TNFRSF21: variants seen among roughly 807,000 people sequenced by gnomAD.
The protein encoded by TNFRSF21 is TNF receptor superfamily member 21.
A neutral mutation model predicts 45.6 loss-of-function variants in TNFRSF21; 19 were observed. The ratio of observed to expected loss-of-function variants is 0.42; its 90% CI spans 0.29 to 0.61. The LOEUF is 0.61. TNFRSF21 is among the 20% of genes least tolerant of loss of function. TNFRSF21 has a pLI of 0.23. For missense variants in TNFRSF21, 737 were observed against 851.5 expected, an observed-to-expected ratio of 0.87 and a Z score of 1.67; for synonymous variants, 314 against 335.5, an observed-to-expected ratio of 0.94 and a Z score of 0.70.
At chr6:47,273,690 G>A (rs1762458719) in intron 3 of TNFRSF21, among the ~76,000 whole-genome samples, 2 of 152,104 alleles carry the variant, frequency 1.3e-5, no homozygotes, top group Admixed American at 1.3e-4. Context: ...AGAAATAAAG[G>A]GTATTCAATT....
At chr6:47,247,262 T>C (rs76525233) in intron 4 of TNFRSF21, among the ~76,000 whole-genome samples, 54 of 152,280 alleles carry the variant, frequency 3.5e-4, no homozygotes, top group African/African-American at 1.3e-3. Flanking sequence ...CCTCTTCTCC[T>C]CACCACCCCA....
rs1173327887 is a variant in TNFRSF21, at chr6:47,309,753, C to G, written c.-242G>C. 1 of 434,692 alleles carries G rather than the reference C, an allele frequency of 2.3e-6. No individual in the cohort carries two copies. Among genetic ancestry groups the G allele is most frequent in the Non-Finnish European group, 3.9e-6 (1 of 255,462 alleles). The allele number at this position is 434,692 out of a possible 1,614,324, so 26.9% of individuals were successfully genotyped here. A position where few individuals can be genotyped will look rare whatever the true frequency, so the allele number is the denominator to read the frequency against. Reference sequence around the variant, plus strand: ...CGGGGAGAAGCCGCCGCGACTGCAGCCCGCGTCTCCGGGTGCTCTCCTCCG... The same window carrying G: ...CGGGGAGAAGCCGCCGCGACTGCAGGCCGCGTCTCCGGGTGCTCTCCTCCG... On this transcript the variant is annotated 5_prime_UTR_variant, in exon 1 of 6. Coordinates refer to ENST00000296861, the MANE Select transcript of TNFRSF21 (RefSeq NM_014452.5).
chr6:47,238,271 T>C (rs2113843354), intron 4 of TNFRSF21, among the ~76,000 whole-genome samples: 1 of 152,374 alleles, frequency 6.6e-6, no homozygotes, highest in East Asian at 1.9e-4. Context: ...GAAATGTTTG[T>C]GGACACGGCA....
chr6:47,265,538 G>A (rs1762319690), intron 3 of TNFRSF21, among the ~76,000 whole-genome samples: 1 of 152,148 alleles, frequency 6.6e-6, no homozygotes, highest in African/African-American at 2.4e-5. Context: ...CTACTTCCTA[G>A]CTATGTGAAC....
At chr6:47,304,036 A>G (rs1329393924) in intron 1 of TNFRSF21, among the ~76,000 whole-genome samples, 1 of 152,196 alleles carries the variant, frequency 6.6e-6, no homozygotes, top group Non-Finnish European at 1.5e-5. Flanking sequence ...GCTCCAAGTG[A>G]TCACTGGACA....
At chr6:47,306,130 T>C (rs1762936877) in intron 1 of TNFRSF21, among the ~76,000 whole-genome samples, 2 of 152,228 alleles carry the variant, frequency 1.3e-5, no homozygotes, top group Admixed American at 1.3e-4. Flanking sequence ...GAATGTTTTG[T>C]CCACCTGAGC....
intron 3 of TNFRSF21, among the ~76,000 whole-genome samples, chr6:47,282,554 G>A (rs1009290890): frequency 6.6e-6 from 1 of 152,064 alleles, no homozygotes; most frequent in Non-Finnish European, 1.5e-5. Context: ...TAAACGTTTC[G>A]TTATAGAAGT....
In TNFRSF21 at chr6:47,250,611, G is replaced by T. The variant is rs184243697; in HGVS notation, c.1509+2645C>A. On this transcript the variant is annotated intron_variant, in intron 4 of 5. Coordinates refer to ENST00000296861, the MANE Select transcript of TNFRSF21 (RefSeq NM_014452.5). ...ATGAAGAGAAAAAACATTGACCATT[G>T]AAAAAAAATAGTCATTTTTACCCAT... Among the ~76,000 whole-genome samples, 12 of 152,038 alleles carry T rather than the reference G, an allele frequency of 7.9e-5. No homozygotes were observed. In the East Asian group the frequency reaches 1.4e-3, roughly 17 times the overall value.
intron 4 of TNFRSF21, among the ~76,000 whole-genome samples, chr6:47,252,666 C>T (rs911324038): frequency 1.3e-5 from 2 of 152,180 alleles, no homozygotes; most frequent in South Asian, 2.1e-4. Flanking sequence ...TCAAATCCAG[C>T]GCTGTCTGGC....
chr6:47,258,151 C>T (rs763203289), intron 3 of TNFRSF21, among the ~76,000 whole-genome samples: 13 of 151,970 alleles, frequency 8.6e-5, no homozygotes, highest in Non-Finnish European at 1.5e-4. Context: ...GAGTGGATCC[C>T]TTGACCCAGG....
chr6:47,232,640 CACACACACACACACACACAA>C lies in TNFRSF21; in HGVS notation c.*105_*124del, dbSNP rs1764602658. The C allele has an allele frequency of 1.1e-5, 8 of 750,182 alleles. No homozygotes were observed. The highest frequency in any genetic ancestry group is 7.1e-5 in the African/African-American group (4 of 56,546). 46.5% of individuals were successfully genotyped at this position (750,182 alleles called of 1,614,324 possible). A position where few individuals can be genotyped will look rare whatever the true frequency, so the allele number is the denominator to read the frequency against. On this transcript the variant is annotated 3_prime_UTR_variant, in exon 6 of 6. Coordinates refer to ENST00000296861, the MANE Select transcript of TNFRSF21 (RefSeq NM_014452.5). ...TCTCTGTTAAACACACACACACACACACACACACACACACACACAAACACACACACACACCCCAAACAACA... is the reference window on the plus strand; with the variant it reads ...TCTCTGTTAAACACACACACACACACACACACACACACACCCCAAACAACA...
chr6:47,266,182 A>T (rs527609144), intron 3 of TNFRSF21, among the ~76,000 whole-genome samples: 1 of 152,320 alleles, frequency 6.6e-6, no homozygotes, highest in East Asian at 1.9e-4. Flanking sequence ...CCCTAGAAAG[A>T]GGGAGAAGTC....
chr6:47,283,803 C>T, intron 3 of TNFRSF21, 135 bp downstream of exon 3: 1 of 1,121,962 alleles, frequency 8.9e-7, no homozygotes, highest in Admixed American at 2.6e-5. Context: ...TTTTCTATAA[C>T]ACGACTAGAT....
chr6:47,239,562 G>C (rs893962735), intron 4 of TNFRSF21, among the ~76,000 whole-genome samples: 1 of 152,164 alleles, frequency 6.6e-6, no homozygotes, highest in East Asian at 1.9e-4. Context: ...TCTGAGAGCA[G>C]GAATAGGCGA....
intron 3 of TNFRSF21, among the ~76,000 whole-genome samples, chr6:47,253,937 G>A (rs542330851): frequency 6.6e-6 from 1 of 152,274 alleles, no homozygotes; most frequent in African/African-American, 2.4e-5. Context: ...TACATACTAC[G>A]CATGAATTTC....
intron 4 of TNFRSF21, among the ~76,000 whole-genome samples, chr6:47,252,202 T>C (rs1193776990): frequency 2.6e-5 from 4 of 152,234 alleles, no homozygotes; most frequent in African/African-American, 4.8e-5. Context: ...CAAAATGTGA[T>C]ATAGAATGAT....
chr6:47,294,088 A>C (rs545949428), intron 1 of TNFRSF21, among the ~76,000 whole-genome samples: 48 of 152,324 alleles, frequency 3.2e-4, no homozygotes, highest in Non-Finnish European at 5.6e-4. Context: ...ATTAGAACCA[A>C]CATATTAGAA....
Position 47,240,684 on chromosome 6 carries a change from G to A in TNFRSF21, c.1510-5786C>T, listed in dbSNP as rs115114201. 8.0e-3 allele frequency among the ~76,000 whole-genome samples: 1,222 copies of A among 152,238 alleles called. 24 individuals carry two copies. Among genetic ancestry groups the A allele is most frequent in the African/African-American group, 0.027 (1,140 of 41,540 alleles). ...CACAGGGCATTGCCCGAGCCCCTCC[G>A]CTAGAGTGAAGTGGGTAGAGGTTGA... On this transcript the variant is annotated intron_variant, in intron 4 of 5. Transcript: ENST00000296861.
In TNFRSF21 at chr6:47,283,788, T is replaced by A. The variant is rs1762605079; in HGVS notation, c.1243+150A>T. The A allele has an allele frequency of 7.3e-6, 7 of 964,726 alleles. No homozygotes were observed. The South Asian group carries it at 1.2e-4, about 17-fold the overall frequency. 59.8% of individuals were successfully genotyped at this position (964,726 alleles called of 1,614,324 possible). A position where few individuals can be genotyped will look rare whatever the true frequency, so the allele number is the denominator to read the frequency against. On this transcript the variant is annotated intron_variant, in intron 3 of 5. Coordinates refer to ENST00000296861, the MANE Select transcript of TNFRSF21 (RefSeq NM_014452.5). ...GCATTACTTCTAATGAGACGGTCAATCTCTTTTTCTATAACACGACTAGAT... is the reference window on the plus strand; with the variant it reads ...GCATTACTTCTAATGAGACGGTCAAACTCTTTTTCTATAACACGACTAGAT...
Sources: gnomAD v4.1 joint callset for allele counts (sites outside exome capture counted in the v4.1 genomes callset) on GRCh38, gnomAD v4.1.1 for gene constraint, MANE v1.5 for transcripts, NCBI Gene and HGNC (gene_info 2026-07-23, HGNC 2026-07-21) for gene names.